OTUD7A: variants seen among roughly 807,000 people sequenced by gnomAD.
OTUD7A encodes the protein OTU deubiquitinase 7A.
In OTUD7A, 12 loss-of-function variants were observed where a neutral mutation model predicts 65.7. The observed-to-expected ratio is 0.18, with a 90% CI of 0.12 to 0.30. The LOEUF (loss-of-function observed/expected upper bound fraction) is 0.30. Ranked by LOEUF, OTUD7A falls within the 10% of genes least tolerant of loss-of-function variation. The pLI, the probability that OTUD7A is intolerant of heterozygous loss-of-function variation, is 1.00. For missense variants in OTUD7A, 1,148 were observed against 1,304.8 expected (o/e 0.88, Z 1.85); for synonymous variants, 641 against 586.3 (o/e 1.09, Z -1.35).
intron 5 of OTUD7A, among the ~76,000 whole-genome samples, chr15:31,534,414 A>T (rs1015001258): frequency 2.0e-5 from 3 of 152,014 alleles, no homozygotes; most frequent in Non-Finnish European, 4.4e-5. Context: ...AACTTGATTT[A>T]AAAAATCTAC....
intron 5 of OTUD7A, among the ~76,000 whole-genome samples, chr15:31,541,000 T>C (rs766582150): frequency 5.9e-5 from 9 of 152,178 alleles, no homozygotes; most frequent in Non-Finnish European, 1.3e-4. Context: ...ATATTTTTAT[T>C]AAATTTTATA....
chr15:31,506,346 A>T lies in OTUD7A; in HGVS notation c.894-2528T>A, dbSNP rs182537980. 1.3e-3 allele frequency among the ~76,000 whole-genome samples: 203 copies of T among 152,220 alleles called. 3 individuals carry two copies. Among genetic ancestry groups the T allele is most frequent in the Non-Finnish European group, 5.1e-4 (35 of 68,016 alleles). ...TGAATTGTTGCTGATTGTAACAGATACAGTTTAGTTTACATTTTTTAAATT... is the reference window on the plus strand; with the variant it reads ...TGAATTGTTGCTGATTGTAACAGATTCAGTTTAGTTTACATTTTTTAAATT... On this transcript the variant is annotated intron_variant, in intron 8 of 12. Transcript: ENST00000307050.
intron 1 of OTUD7A, among the ~76,000 whole-genome samples, chr15:31,664,398 T>C (rs2141288327): frequency 6.6e-6 from 1 of 152,246 alleles, no homozygotes; most frequent in African/African-American, 2.4e-5. Context: ...GTGGTTTTGA[T>C]TTCCATTTCC....
chr15:31,539,141 CATATA>C (rs1887901974), intron 5 of OTUD7A, among the ~76,000 whole-genome samples: 1 of 152,072 alleles, frequency 6.6e-6, no homozygotes, highest in African/African-American at 2.4e-5. Context: ...CCAATGGGTC[CATATA>C]ATGAGCAAGT....
At chr15:31,508,807 T>C (rs1257742512) in intron 8 of OTUD7A, among the ~76,000 whole-genome samples, 1 of 152,388 alleles carries the variant, frequency 6.6e-6, no homozygotes, top group African/African-American at 2.4e-5. Flanking sequence ...CATGGTGACG[T>C]CTTCTGCTCC....
At chr15:31,646,763 T>C (rs1476674501) in intron 3 of OTUD7A, among the ~76,000 whole-genome samples, 1 of 152,098 alleles carries the variant, frequency 6.6e-6, no homozygotes, top group African/African-American at 2.4e-5. Flanking sequence ...CTGGCCAAAG[T>C]GTTTAATTTT....
chr15:31,762,493 T>G (rs1197603787), intron 1 of OTUD7A, among the ~76,000 whole-genome samples: 1 of 152,222 alleles, frequency 6.6e-6, no homozygotes, highest in Non-Finnish European at 1.5e-5. Context: ...AAAGTAACCC[T>G]GTAAAGGGAG....
intron 1 of OTUD7A, among the ~76,000 whole-genome samples, chr15:31,670,356 A>T (rs1223755731): frequency 3.3e-5 from 5 of 152,298 alleles, no homozygotes; most frequent in Admixed American, 6.5e-5. Context: ...GAATCGCCAC[A>T]CTGTTTTCCA....
chr15:31,485,262 C>G (rs938464479), intron 12 of OTUD7A, among the ~76,000 whole-genome samples: 1 of 152,224 alleles, frequency 6.6e-6, no homozygotes, highest in South Asian at 2.1e-4. Context: ...GAAAAGATGT[C>G]TCACCTCACG....
intron 1 of OTUD7A, among the ~76,000 whole-genome samples, chr15:31,773,222 T>A (rs1377731585): frequency 6.6e-6 from 1 of 152,252 alleles, no homozygotes; most frequent in Non-Finnish European, 1.5e-5. Flanking sequence ...AGATGAGTGA[T>A]ATGTCCTTTG....
intron 1 of OTUD7A, among the ~76,000 whole-genome samples, chr15:31,663,794 C>A (rs770931976): frequency 6.6e-6 from 1 of 152,000 alleles, no homozygotes; most frequent in African/African-American, 2.4e-5. Flanking sequence ...CACACAGAAC[C>A]CTATTTGCAG....
chr15:31,572,737 G>T, intron 3 of OTUD7A, among the ~76,000 whole-genome samples: 1 of 152,110 alleles, frequency 6.6e-6, no homozygotes, highest in Non-Finnish European at 1.5e-5. Context: ...GGAAAAAGGA[G>T]TCAAACTGTT....
intron 3 of OTUD7A, among the ~76,000 whole-genome samples, chr15:31,614,310 A>G (rs1162056601): frequency 6.6e-6 from 1 of 152,176 alleles, no homozygotes; most frequent in African/African-American, 2.4e-5. Flanking sequence ...AAATAGAAAA[A>G]AAAAGACAAT....
rs1218039515 is a variant in OTUD7A, at chr15:31,482,107, A to T, written c.*1187T>A. The T allele has an allele frequency of 1.3e-5, 2 of 152,184 alleles. No homozygotes were observed. Among genetic ancestry groups the T allele is most frequent in the Non-Finnish European group, 2.9e-5 (2 of 68,014 alleles). 9.4% of individuals were successfully genotyped at this position (152,184 alleles called of 1,614,324 possible). A position where few individuals can be genotyped will look rare whatever the true frequency, so the allele number is the denominator to read the frequency against. ...GCTGCTCAAAACAGGGTAGCTAAGG[A>T]CACATTTTTTTTTTCCTCAAGAAAT... On this transcript the variant is annotated 3_prime_UTR_variant, in exon 13 of 13. Coordinates refer to ENST00000307050, the MANE Select transcript of OTUD7A (RefSeq NM_001382637.1).
intron 1 of OTUD7A, among the ~76,000 whole-genome samples, chr15:31,751,789 T>A (rs1193588232): frequency 1.3e-5 from 2 of 152,172 alleles, no homozygotes; most frequent in Non-Finnish European, 1.5e-5. Flanking sequence ...TGGAGGCCAT[T>A]ATCCTAGTGC....
intron 3 of OTUD7A, among the ~76,000 whole-genome samples, chr15:31,591,482 G>A (rs139487314): frequency 1.3e-5 from 2 of 152,126 alleles, no homozygotes; most frequent in African/African-American, 2.4e-5. Flanking sequence ...TCTAATCCAC[G>A]GAAGGGCTGA....
In OTUD7A at chr15:31,484,245, G is replaced by A. The variant is rs777253089; in HGVS notation, c.1851C>T (p.Asp617=). The A allele has an allele frequency of 1.3e-6, 2 of 1,598,468 alleles. No individual in the cohort carries two copies. Among genetic ancestry groups the A allele is most frequent in the African/African-American group, 1.3e-5 (1 of 74,698 alleles). Residue 617 remains aspartate, a synonymous_variant, in exon 13 of 13, where the codon GAC becomes GAT. Transcript: ENST00000307050. This position sits in a 1 kb window ranked among gnomAD's most constrained non-coding sequence, Gnocchi z 4.5. ...TCACATCCGTGCTGTACTTCCAGGC[G>A]TCGCCCCGCGGCCCACCGCCCTTCT... ...PAEKGGGPRG[D]AWKYSTDVKL...
intron 1 of OTUD7A, among the ~76,000 whole-genome samples, chr15:31,670,115 G>A (rs1157199713): frequency 9.4e-5 from 14 of 148,454 alleles, no homozygotes; most frequent in East Asian, 1.9e-4. Context: ...TGCAAGCCTC[G>A]GAATGCTGCT....
At chr15:31,758,805 T>C (rs1225358354) in intron 1 of OTUD7A, among the ~76,000 whole-genome samples, 1 of 152,040 alleles carries the variant, frequency 6.6e-6, no homozygotes, top group African/African-American at 2.4e-5. Context: ...AAATCTCCAC[T>C]CAACGCTGCA....
Sources: allele counts gnomAD v4.1 joint callset (sites outside exome capture counted in the v4.1 genomes callset), GRCh38; gene constraint gnomAD v4.1.1; non-coding constraint Gnocchi (gnomAD v3.1); transcripts MANE v1.5; gene names NCBI Gene and HGNC (gene_info 2026-07-23, HGNC 2026-07-21).